KCTD19: variants seen among roughly 807,000 people sequenced by gnomAD.
KCTD19 encodes the protein potassium channel tetramerization domain containing 19, also known as BTB/POZ domain-containing protein KCTD19.
KCTD19 carries 67 observed loss-of-function variants against 103.5 expected under a neutral mutation model. The ratio of observed to expected loss-of-function variants is 0.65; its 90% CI spans 0.53 to 0.79. KCTD19 has a LOEUF of 0.79. Ranked by LOEUF, KCTD19 falls within the 30% of genes least tolerant of loss-of-function variation. The pLI is 0.00. For synonymous variants in KCTD19, 439 were observed against 452.2 expected, an observed-to-expected ratio of 0.97 and a Z score of 0.37; for missense variants, 980 against 1,136.1, an observed-to-expected ratio of 0.86 and a Z score of 1.98.
In KCTD19 at chr16:67,299,480, G is replaced by A; in HGVS notation, c.869C>T (p.Ala290Val). 6.2e-7 allele frequency: 1 copy of A among 1,614,224 alleles called. No homozygotes were observed. Among genetic ancestry groups the A allele is most frequent in the Non-Finnish European group, 8.5e-7 (1 of 1,180,046 alleles). The change falls in exon 6 of 16, where the codon GCC (alanine) becomes GTC (valine). Residue 290 changes from alanine to valine, a missense_variant. By Grantham distance (64) the Ala-to-Val change is moderately conservative (BLOSUM62 0). Transcript: ENST00000304372. Reference protein sequence around the residue: ...LESVKPLYTMALGLLVKYPDS... With the variant: ...LESVKPLYTMVLGLLVKYPDS... The stretch of plus-strand genomic sequence containing the variant: ...CGGGTACTTGACCAGCAGACCCAGG[G>A]CCATTGTGTAGAGCGGTTTCACGGA...
Position 67,315,768 on chromosome 16 carries a change from C to T in KCTD19, c.300+4821G>A, listed in dbSNP as rs538035715. Reference sequence around the variant, plus strand: ...TGCTGGGATTACAGGTGTGAGCCACCGTGCCTGGCTAATTTTTTTGTTTTT... The same window carrying T: ...TGCTGGGATTACAGGTGTGAGCCACTGTGCCTGGCTAATTTTTTTGTTTTT... On this transcript the variant is annotated intron_variant, in intron 2 of 15. Coordinates refer to ENST00000304372, the MANE Select transcript of KCTD19 (RefSeq NM_001100915.3). Among the ~76,000 whole-genome samples the T allele has an allele frequency of 5.5e-4, 83 of 152,050 alleles. No homozygotes were observed. The Middle Eastern group carries it at 0.024, about 44-fold the overall frequency.
intron 6 of KCTD19, 100 bp downstream of exon 6, chr16:67,299,263 C>A: frequency 9.3e-7 from 1 of 1,079,962 alleles, no homozygotes; most frequent in Non-Finnish European, 1.4e-6. Context: ...CCCAAGGACA[C>A]ACTTCACCTC....
chr16:67,291,431 C>A lies in KCTD19; in HGVS notation c.2443G>T (p.Glu815Ter). The A allele has an allele frequency of 6.2e-7, 1 of 1,614,134 alleles. No individual in the cohort carries two copies. The highest frequency in any genetic ancestry group is 1.1e-5 in the South Asian group (1 of 91,082). The part of the protein sequence containing the change: ...VTFLSFSLSW[E>*]EMFYAQKCHC... ...CATTTCTGTGCATAAAACATCTCTT[C>A]CCAGGACAGAGAGAAACTCAGGAAA... Residue 815 changes from glutamate to a stop codon, truncating the protein, a stop_gained, in exon 14 of 16, where the codon GAA (glutamate) becomes TAA (stop). Coordinates refer to ENST00000304372, the MANE Select transcript of KCTD19 (RefSeq NM_001100915.3). LOFTEE classifies it high-confidence loss of function.
At chr16:67,322,673 C>A (rs2037088510) in intron 1 of KCTD19, among the ~76,000 whole-genome samples, 2 of 152,010 alleles carry the variant, frequency 1.3e-5, no homozygotes, top group Non-Finnish European at 2.9e-5. Context: ...TTAGATGTGA[C>A]ACTAAAAGCA....
rs964870211 is a variant in KCTD19 at position 67,299,519 on chromosome 16, G to A, written c.830C>T (p.Thr277Ile). 4 of 1,613,580 alleles carry A rather than the reference G, an allele frequency of 2.5e-6. No individual in the cohort carries two copies. Among genetic ancestry groups the A allele is most frequent in the East Asian group, 2.2e-5 (1 of 44,854 alleles). Reference sequence around the variant, plus strand: ...CGGTTTCACGGACTCCAGGCTGGCTGTGCGGGCCCCCTTCCCGGGGCTCAG... The same window carrying A: ...CGGTTTCACGGACTCCAGGCTGGCTATGCGGGCCCCCTTCCCGGGGCTCAG... ...SPLSPGKGAR[T>I]ASLESVKPLY... The change falls in exon 6 of 16, where the codon ACA (threonine) becomes ATA (isoleucine). Residue 277 changes from threonine to isoleucine, a missense_variant. By Grantham distance (89) the Thr-to-Ile change is moderately conservative. Coordinates refer to ENST00000304372, the MANE Select transcript of KCTD19 (RefSeq NM_001100915.3).
rs1567446540 is a variant in KCTD19 at position 67,291,821 on chromosome 16, C to A, written c.2235G>T (p.Glu745Asp). 1 of 1,606,038 alleles carries A rather than the reference C, an allele frequency of 6.2e-7. No homozygotes were observed. Residue 745 changes from glutamate (E) to aspartate (D), a missense_variant, in exon 13 of 16, where the codon GAG (glutamate) becomes GAT (aspartate). Transcript: ENST00000304372. ...CCTCACTGGCCTCGGGCAGAGGCTG[C>A]TCAGGGGCAGGGCTTTCTGTGAAAA... is the stretch of plus-strand genomic sequence containing the variant. ...RTKERESPAP[E>D]QPLPEASEVD...
rs1292820391 is a variant in KCTD19, at chr16:67,304,470, C to T, written c.402G>A (p.Lys134=). The change falls in exon 3 of 16, where the codon AAG becomes AAA. Residue 134 remains lysine, a synonymous_variant. Transcript: ENST00000304372. ...RASLNYWRTW[K]CISKPSEFPI... is the part of the protein sequence containing the mutation. ...GAAATTCTGAGGGTTTGCTAATACA[C>T]TTCCATGTACGCCAGTAGTTCAGAG... 1.2e-6 allele frequency: 2 copies of T among 1,613,988 alleles called. No individual in the cohort carries two copies. The highest frequency in any genetic ancestry group is 1.7e-6 in the Non-Finnish European group (2 of 1,179,972).
intron 4 of KCTD19, 87 bp from the exon 5 acceptor site, chr16:67,302,009 G>A: frequency 2.4e-6 from 3 of 1,254,362 alleles, no homozygotes; most frequent in South Asian, 2.5e-5. Flanking sequence ...TTCTGGTGCT[G>A]TAACTTATCC....
Position 67,320,356 on chromosome 16 carries a change from A to G in KCTD19, c.300+233T>C, listed in dbSNP as rs1354928316. Among the ~76,000 whole-genome samples the G allele has an allele frequency of 4.6e-5, 7 of 152,112 alleles. No homozygotes were observed. In the South Asian group the frequency reaches 1.0e-3, roughly 22 times the overall value. On this transcript the variant is annotated intron_variant, in intron 2 of 15. Transcript: ENST00000304372. The surrounding 1 kb of genome is among the most constrained non-coding windows in gnomAD (Gnocchi z 4.0). Reference sequence around the variant, plus strand: ...TTGCAGTGAGCTGTGATTGCAGCAGACACCCTGTCTCGAAAAAACAAAAGC... The same window carrying G: ...TTGCAGTGAGCTGTGATTGCAGCAGGCACCCTGTCTCGAAAAAACAAAAGC...
chr16:67,305,994 G>A (rs892940103), intron 2 of KCTD19, among the ~76,000 whole-genome samples: 1 of 152,196 alleles, frequency 6.6e-6, no homozygotes, highest in African/African-American at 2.4e-5. Flanking sequence ...AAAAGCACTG[G>A]GCAATGGTGG....
intron 2 of KCTD19, chr16:67,305,314 TTA>T (rs1248126798): frequency 5.2e-6 from 1 of 193,458 alleles, no homozygotes; most frequent in Admixed American, 6.0e-5. Context: ...TAAACATGTC[TTA>T]TATTGCCACA....
At chr16:67,319,055 T>C (rs972089627) in intron 2 of KCTD19, among the ~76,000 whole-genome samples, 1 of 152,014 alleles carries the variant, frequency 6.6e-6, no homozygotes, top group Non-Finnish European at 1.5e-5. Flanking sequence ...AAACCCCGTC[T>C]CTACTACAAA....
At chr16:67,312,703 G>A (rs1408331512) in intron 2 of KCTD19, among the ~76,000 whole-genome samples, 1 of 152,130 alleles carries the variant, frequency 6.6e-6, no homozygotes, top group Admixed American at 6.5e-5. Context: ...GGTTGCTCAG[G>A]AGAGAAACAA....
At chr16:67,298,342 C>A (rs1597394194) in intron 6 of KCTD19, among the ~76,000 whole-genome samples, 1 of 152,198 alleles carries the variant, frequency 6.6e-6, no homozygotes, top group East Asian at 1.9e-4. Flanking sequence ...GGAGAGTAAG[C>A]CTGGACAACC....
At chr16:67,319,455 C>T (rs959472920) in intron 2 of KCTD19, among the ~76,000 whole-genome samples, 9 of 152,050 alleles carry the variant, frequency 5.9e-5, no homozygotes, top group Non-Finnish European at 1.2e-4. Flanking sequence ...CTGATAGAGA[C>T]GGAATAAACA....
chr16:67,309,457 A>G (rs1481138250), intron 2 of KCTD19, among the ~76,000 whole-genome samples: 1 of 152,170 alleles, frequency 6.6e-6, no homozygotes, highest in East Asian at 1.9e-4. Context: ...TGGCAAGAAG[A>G]AAGGGTTTAG....
intron 2 of KCTD19, among the ~76,000 whole-genome samples, chr16:67,311,849 A>G (rs2036953137): frequency 6.6e-6 from 1 of 152,116 alleles, no homozygotes; most frequent in African/African-American, 2.4e-5. Flanking sequence ...AGGGGTTTGC[A>G]TTTGAGTCAT....
intron 7 of KCTD19, 24 bp downstream of exon 7, chr16:67,297,479 A>C (rs1597393782): frequency 6.2e-7 from 1 of 1,611,766 alleles, no homozygotes; most frequent in Non-Finnish European, 8.5e-7. Context: ...TGCTAAATTC[A>C]AACCTAGAAG....
chr16:67,307,464 C>A (rs1487621844), intron 2 of KCTD19, among the ~76,000 whole-genome samples: 1 of 151,776 alleles, frequency 6.6e-6, no homozygotes, highest in Non-Finnish European at 1.5e-5. Context: ...CAGGCGTGCA[C>A]CACCACACCT....
Sources: gnomAD v4.1 joint callset for allele counts (sites outside exome capture counted in the v4.1 genomes callset) on GRCh38, gnomAD v4.1.1 for gene constraint, Gnocchi (gnomAD v3.1) non-coding constraint, MANE v1.5 for transcripts, NCBI Gene and HGNC (gene_info 2026-07-23, HGNC 2026-07-21) for gene names.